Variants in C2CD3 observed in about 807,000 individuals in gnomAD.
C2CD3 encodes the protein C2 domain-containing protein 3.
Under a neutral mutation model 234.0 loss-of-function variants are expected in C2CD3, and 148 were observed. The ratio of observed to expected loss-of-function variants is 0.63; its 90% CI spans 0.55 to 0.72. The LOEUF is 0.72. Among genes scored for constraint, C2CD3 ranks in the 30% least tolerant of loss-of-function variants. The pLI is 0.00. For synonymous variants in C2CD3, 1,000 were observed against 1,035.4 expected, an observed-to-expected ratio of 0.97 and a Z score of 0.66; for missense variants, 2,577 against 2,811.5, an observed-to-expected ratio of 0.92 and a Z score of 1.89.
chr11:74,054,710 G>C lies in C2CD3; in HGVS notation c.5091-39C>G, dbSNP rs59587622. 1.3e-4 allele frequency: 175 copies of C among 1,388,622 alleles called. 1 individual carries two copies. The African/African-American group carries it at 2.3e-3, about 18-fold the overall frequency. 86.0% of individuals were successfully genotyped at this position (1,388,622 alleles called of 1,614,324 possible). ...CAACCACTGTAAACTAAATGTATAG[G>C]AACTTTCTGTAGTATAAAACTTAGA... On this transcript the variant is annotated intron_variant, in intron 25 of 32. Coordinates refer to ENST00000334126, the MANE Select transcript of C2CD3 (RefSeq NM_001286577.2).
At chr11:74,150,923 CT>C (rs1323011166) in intron 3 of C2CD3, among the ~76,000 whole-genome samples, 22 of 147,934 alleles carry the variant, frequency 1.5e-4, no homozygotes, top group Admixed American at 3.4e-4. Flanking sequence ...TTCTTTCTTT[CT>C]TTTTTTTTTG....
At chr11:74,137,120 C>T (rs1463858754) in intron 5 of C2CD3, among the ~76,000 whole-genome samples, 3 of 151,558 alleles carry the variant, frequency 2.0e-5, no homozygotes, top group Non-Finnish European at 4.4e-5. Flanking sequence ...CCTCAGCCTC[C>T]TGAGTAGCTT....
At chr11:74,055,559 G>C (rs1411601757) in intron 25 of C2CD3, among the ~76,000 whole-genome samples, 2 of 152,180 alleles carry the variant, frequency 1.3e-5, no homozygotes, top group East Asian at 1.9e-4. Context: ...GTGCTAAAGT[G>C]AAACAAATAT....
chr11:74,110,297 G>A (rs750379917), intron 11 of C2CD3, among the ~76,000 whole-genome samples: 1 of 152,140 alleles, frequency 6.6e-6, no homozygotes. Context: ...GCCCAGTTAT[G>A]TATGAAGAGA....
At chr11:74,167,164 T>G (rs975850725) in intron 2 of C2CD3, among the ~76,000 whole-genome samples, 1 of 152,208 alleles carries the variant, frequency 6.6e-6, no homozygotes, top group Non-Finnish European at 1.5e-5. Context: ...GGATGCCAAG[T>G]CCAATGCACC....
In C2CD3 at chr11:74,168,478, C is replaced by T; in HGVS notation, c.191G>A (p.Arg64Lys). ...TCCATCTGATGTTTCTCCCCACCAT[C>T]TCACTCGGACAAGTACACAAGTGGG... is the stretch of plus-strand genomic sequence containing the variant. Reference protein sequence around the residue: ...KPPTCVLVRVRWWGETSDGTL... With the variant: ...KPPTCVLVRVKWWGETSDGTL... The change falls in exon 2 of 33, where the codon AGA (arginine) becomes AAA (lysine). Residue 64 changes from arginine to lysine, a missense_variant. Arg to Lys is a conservative substitution (Grantham distance 26). Coordinates refer to ENST00000334126, the MANE Select transcript of C2CD3 (RefSeq NM_001286577.2). 3.1e-6 allele frequency: 5 copies of T among 1,614,226 alleles called. No individual in the cohort carries two copies. Among genetic ancestry groups the T allele is most frequent in the Non-Finnish European group, 3.4e-6 (4 of 1,180,036 alleles).
intron 3 of C2CD3, among the ~76,000 whole-genome samples, chr11:74,144,900 G>A (rs913681906): frequency 6.6e-6 from 1 of 152,154 alleles, no homozygotes; most frequent in Non-Finnish European, 1.5e-5. Flanking sequence ...GAATAGTGCT[G>A]CAATGAACAT....
chr11:74,082,813 C>T (rs1955450666), intron 22 of C2CD3, among the ~76,000 whole-genome samples: 1 of 152,152 alleles, frequency 6.6e-6, no homozygotes, highest in African/African-American at 2.4e-5. Flanking sequence ...AATGGAAGAA[C>T]ATTCCATGCT....
chr11:74,051,033 C>A (rs547384828), intron 26 of C2CD3, among the ~76,000 whole-genome samples: 10 of 151,398 alleles, frequency 6.6e-5, no homozygotes, highest in Middle Eastern at 3.4e-3. Context: ...ATGCGTGTAA[C>A]CCCAGCACTT....
At chr11:74,125,855 C>T (rs1957396741) in intron 7 of C2CD3, among the ~76,000 whole-genome samples, 1 of 152,102 alleles carries the variant, frequency 6.6e-6, no homozygotes, top group African/African-American at 2.4e-5. Context: ...ATGTTCCATT[C>T]CCCTCCACCT....
At chr11:74,145,489 ATT>A (rs1318702454) in intron 3 of C2CD3, among the ~76,000 whole-genome samples, 3 of 151,854 alleles carry the variant, frequency 2.0e-5, no homozygotes, top group Non-Finnish European at 4.4e-5. Flanking sequence ...GCTTGGAAAT[ATT>A]TTCTCTTATT....
rs370615429 is a variant in C2CD3, at chr11:74,139,793, G to T, written c.519C>A (p.Tyr173Ter). Reference protein sequence around the residue: ...SLALEPLSETYDSYHPLPTTD... With the variant: ...SLALEPLSET ...TGGTAGGAAGTGGATGGTAGCTGTCGTAAGTTTCTGACAGAGGTTCCAGGG... is the reference window on the plus strand; with the variant it reads ...TGGTAGGAAGTGGATGGTAGCTGTCTTAAGTTTCTGACAGAGGTTCCAGGG... Residue 173 changes from tyrosine to a stop codon, truncating the protein, a stop_gained, in exon 4 of 33, where the codon TAC (tyrosine) becomes TAA (stop). Transcript: ENST00000334126. LOFTEE classifies it high-confidence loss of function. 9 of 1,613,244 alleles carry T rather than the reference G, an allele frequency of 5.6e-6. No individual in the cohort carries two copies. The highest frequency in any genetic ancestry group is 7.6e-6 in the Non-Finnish European group (9 of 1,179,248).
At position 74,069,202 on chromosome 11, in the gene C2CD3, T is replaced by G. The variant is rs1035105703; in HGVS notation, c.4951+5051A>C. Among the ~76,000 whole-genome samples, 5 of 152,352 alleles carry G rather than the reference T, an allele frequency of 3.3e-5. No homozygotes were observed. The South Asian group carries it at 1.0e-3, about 32-fold the overall frequency. Reference sequence around the variant, plus strand: ...CCTTATTTAGTCTTGAACAGACACATTCCTTTTAGCCAAACAGGTGGGTGA... The same window carrying G: ...CCTTATTTAGTCTTGAACAGACACAGTCCTTTTAGCCAAACAGGTGGGTGA... On this transcript the variant is annotated intron_variant, in intron 24 of 32. Transcript: ENST00000334126.
At position 74,086,031 on chromosome 11, in the gene C2CD3, C is replaced by T. The variant is rs866161591; in HGVS notation, c.3642-145G>A. 3 of 777,354 alleles carry T rather than the reference C, an allele frequency of 3.9e-6. No individual in the cohort carries two copies. The South Asian group carries it at 5.7e-5, about 15-fold the overall frequency. The allele number at this position is 777,354 out of a possible 1,614,324, so 48.2% of individuals were successfully genotyped here. A position where few individuals can be genotyped will look rare whatever the true frequency, so the allele number is the denominator to read the frequency against. On this transcript the variant is annotated intron_variant, in intron 20 of 32. Coordinates refer to ENST00000334126, the MANE Select transcript of C2CD3 (RefSeq NM_001286577.2). ...CTTTCTATCTAGGCTTTTGGCAGTG[C>T]CACAATGGGCTTTCTTAGTAATCTA...
At chr11:74,050,262 T>C (rs1008063276) in intron 26 of C2CD3, among the ~76,000 whole-genome samples, 2 of 152,246 alleles carry the variant, frequency 1.3e-5, no homozygotes, top group Non-Finnish European at 2.9e-5. Flanking sequence ...ATGCATTATA[T>C]TTAATTAAGA....
intron 2 of C2CD3, 32 bp downstream of exon 2, chr11:74,168,312 T>C: frequency 6.4e-7 from 1 of 1,572,028 alleles, no homozygotes; most frequent in Non-Finnish European, 8.8e-7. Context: ...TTGTATTACG[T>C]CTGCAGGTGC....
At position 74,093,810 on chromosome 11, in the gene C2CD3, C is replaced by G; in HGVS notation, c.3344+6G>C. ...TAGGCATAGGACTGGGGTCTCCACA[C>G]TGTACCTGCACCAGATTTCAAACTG... On this transcript the variant is annotated splice_donor_region_variant and intron_variant, in intron 18 of 32. Coordinates refer to ENST00000334126, the MANE Select transcript of C2CD3 (RefSeq NM_001286577.2). 1.2e-6 allele frequency: 2 copies of G among 1,612,938 alleles called. No individual in the cohort carries two copies. The highest frequency in any genetic ancestry group is 1.7e-6 in the Non-Finnish European group (2 of 1,179,314).
intron 25 of C2CD3, 82 bp from the exon 26 acceptor site, chr11:74,054,753 A>G: frequency 1.1e-6 from 1 of 928,462 alleles, no homozygotes; most frequent in Non-Finnish European, 1.7e-6. Context: ...AATATCTTGT[A>G]ATTTGCAAAG....
At chr11:74,075,227 C>CT (rs1319426807) in intron 23 of C2CD3, among the ~76,000 whole-genome samples, 1 of 152,082 alleles carries the variant, frequency 6.6e-6, no homozygotes, top group African/African-American at 2.4e-5. Context: ...TTAGAGAAGT[C>CT]TAAGATTTGA....
Sources: allele counts gnomAD v4.1 joint callset (sites outside exome capture counted in the v4.1 genomes callset), GRCh38; gene constraint gnomAD v4.1.1; transcripts MANE v1.5; gene names NCBI Gene and HGNC (gene_info 2026-07-23, HGNC 2026-07-21).